Variants in OTUD7A observed in about 807,000 individuals in gnomAD.
OTUD7A encodes OTU domain-containing protein 7A.
Under a neutral mutation model 65.7 loss-of-function variants are expected in OTUD7A, and 12 were observed. The observed-to-expected ratio is 0.18, with a 90% CI of 0.12 to 0.30. The LOEUF (loss-of-function observed/expected upper bound fraction) is 0.30. Ranked by LOEUF, OTUD7A falls within the 10% of genes least tolerant of loss-of-function variation. The pLI is 1.00. For synonymous variants in OTUD7A, 641 were observed against 586.3 expected, an observed-to-expected ratio of 1.09 and a Z score of -1.35; for missense variants, 1,148 against 1,304.8, an observed-to-expected ratio of 0.88 and a Z score of 1.85.
At chr15:31,758,408 A>G (rs1007464309) in intron 1 of OTUD7A, among the ~76,000 whole-genome samples, 1 of 152,128 alleles carries the variant, frequency 6.6e-6, no homozygotes, top group Non-Finnish European at 1.5e-5. Context: ...TCTTTCTCCA[A>G]TCTGGGCCTT....
At chr15:31,551,795 C>G (rs1888332134) in intron 5 of OTUD7A, among the ~76,000 whole-genome samples, 1 of 152,050 alleles carries the variant, frequency 6.6e-6, no homozygotes, top group Admixed American at 6.5e-5. Flanking sequence ...CTGGGCATCA[C>G]TGTGCTTTGC....
intron 3 of OTUD7A, among the ~76,000 whole-genome samples, chr15:31,635,995 C>A (rs1857383526): frequency 1.3e-5 from 2 of 152,236 alleles, no homozygotes. Flanking sequence ...ACGCCAGGTG[C>A]TGTCTGCATC....
intron 1 of OTUD7A, among the ~76,000 whole-genome samples, chr15:31,790,125 G>A (rs956950116): frequency 6.6e-6 from 1 of 152,202 alleles, no homozygotes; most frequent in Non-Finnish European, 1.5e-5. Context: ...TCACATTGAC[G>A]GGAGTACATC....
chr15:31,663,898 C>T (rs1892244658), intron 1 of OTUD7A, among the ~76,000 whole-genome samples: 1 of 152,068 alleles, frequency 6.6e-6, no homozygotes, highest in African/African-American at 2.4e-5. Flanking sequence ...AGCTTAGCTC[C>T]CACATATCAG....
chr15:31,707,918 CTATGGT>C (rs1426893874), intron 1 of OTUD7A, among the ~76,000 whole-genome samples: 3 of 151,978 alleles, frequency 2.0e-5, no homozygotes, highest in South Asian at 4.1e-4. Flanking sequence ...GTATGAATTC[CTATGGT>C]AAAACATAAA....
intron 8 of OTUD7A, among the ~76,000 whole-genome samples, chr15:31,517,573 A>G (rs1428466782): frequency 6.6e-6 from 1 of 152,214 alleles, no homozygotes; most frequent in African/African-American, 2.4e-5. Flanking sequence ...TTCATCCTCC[A>G]AGATGTGCAT....
At chr15:31,780,566 A>G (rs1895511171) in intron 1 of OTUD7A, among the ~76,000 whole-genome samples, 2 of 152,206 alleles carry the variant, frequency 1.3e-5, no homozygotes, top group Admixed American at 6.5e-5. Flanking sequence ...TCTTGAAGAC[A>G]CCACCACCTG....
Position 31,483,856 on chromosome 15 carries a change from C to CCCG in OTUD7A, c.2237_2239dup (p.Ala746dup), listed in dbSNP as rs1406492751. 42 of 984,086 alleles carry CCCG rather than the reference C, an allele frequency of 4.3e-5. No individual in the cohort carries two copies. In the African/African-American group the frequency reaches 6.6e-4, roughly 15 times the overall value. 61.0% of individuals were successfully genotyped at this position (984,086 alleles called of 1,614,324 possible). On this transcript the variant is annotated inframe_insertion, in exon 13 of 13. Transcript: ENST00000307050. ...GCCTCCCCCCGGGGAGGCCGTGCCG[C>CCCG]CCGCCGCCGCCCGCGCCGCACGCCC...
At chr15:31,620,867 G>T (rs7182604) in intron 3 of OTUD7A, among the ~76,000 whole-genome samples, 2 of 105,894 alleles carry the variant, frequency 1.9e-5, no homozygotes, top group Admixed American at 1.8e-4. Context: ...TTAGGGTGTC[G>T]ATTTTGGATC....
Position 31,807,034 on chromosome 15 carries a change from A to C in OTUD7A, c.-100+63473T>G, listed in dbSNP as rs1395407831. Reference sequence around the variant, plus strand: ...CCACTCTACCACTCTTCCCTCTCCCATCTGGAGATGTTGTAAGCCTCTGGG... The same window carrying C: ...CCACTCTACCACTCTTCCCTCTCCCCTCTGGAGATGTTGTAAGCCTCTGGG... On this transcript the variant is annotated intron_variant, in intron 1 of 12. Transcript: ENST00000307050. 3.9e-5 allele frequency among the ~76,000 whole-genome samples: 6 copies of C among 152,274 alleles called. No individual in the cohort carries two copies. In the East Asian group the frequency reaches 1.2e-3, roughly 29 times the overall value.
chr15:31,726,877 G>T (rs906229042), intron 1 of OTUD7A, among the ~76,000 whole-genome samples: 1 of 152,208 alleles, frequency 6.6e-6, no homozygotes, highest in Non-Finnish European at 1.5e-5. Context: ...TTGAATTAGC[G>T]ATGGAAAACA....
intron 3 of OTUD7A, among the ~76,000 whole-genome samples, chr15:31,571,190 AT>A (rs1011093389): frequency 1.3e-5 from 2 of 152,176 alleles, no homozygotes; most frequent in Non-Finnish European, 2.9e-5. Flanking sequence ...ACATACAACT[AT>A]TATGTATCCA....
In OTUD7A at chr15:31,484,743, C is replaced by A; in HGVS notation, c.1372-19G>T. 1 of 1,587,064 alleles carries A rather than the reference C, an allele frequency of 6.3e-7. No homozygotes were observed. The highest frequency in any genetic ancestry group is 1.1e-5 in the South Asian group (1 of 88,756). On this transcript the variant is annotated intron_variant, in intron 12 of 12. Transcript: ENST00000307050. This position sits in a 1 kb window ranked among gnomAD's most constrained non-coding sequence, Gnocchi z 4.5. ...GGGGCGCCTGTGTGGAGAGGGAGGGCCGGATCGAAGGTGGTTAGAGAAGAG... is the reference window on the plus strand; with the variant it reads ...GGGGCGCCTGTGTGGAGAGGGAGGGACGGATCGAAGGTGGTTAGAGAAGAG...
At chr15:31,511,922 C>T (rs990479926) in intron 8 of OTUD7A, among the ~76,000 whole-genome samples, 3 of 152,038 alleles carry the variant, frequency 2.0e-5, no homozygotes, top group African/African-American at 7.2e-5. Context: ...TTTCTCACCT[C>T]TTTTTGAGGT....
intron 4 of OTUD7A, among the ~76,000 whole-genome samples, chr15:31,566,635 G>C (rs560279363): frequency 2.6e-5 from 4 of 152,120 alleles, no homozygotes; most frequent in Non-Finnish European, 5.9e-5. Flanking sequence ...AATCTTGGAG[G>C]GGGGGTCTGG....
chr15:31,587,564 C>T (rs1370619535), intron 3 of OTUD7A, among the ~76,000 whole-genome samples: 2 of 151,938 alleles, frequency 1.3e-5, no homozygotes, highest in Non-Finnish European at 1.5e-5. Context: ...TTGCTTGAAC[C>T]CAGGGGGAGA....
chr15:31,744,708 A>G (rs1034611827), intron 1 of OTUD7A, among the ~76,000 whole-genome samples: 1 of 152,130 alleles, frequency 6.6e-6, no homozygotes, highest in Non-Finnish European at 1.5e-5. Context: ...TAAAGTAGAA[A>G]AGAGGGATAA....
At chr15:31,637,128 T>C (rs1891366886) in intron 3 of OTUD7A, among the ~76,000 whole-genome samples, 2 of 152,202 alleles carry the variant, frequency 1.3e-5, no homozygotes, top group African/African-American at 4.8e-5. Flanking sequence ...CAGCCCTCTA[T>C]TGGAAGAAGA....
At chr15:31,773,326 T>C (rs191410024) in intron 1 of OTUD7A, among the ~76,000 whole-genome samples, 214 of 152,360 alleles carry the variant, frequency 1.4e-3, no homozygotes, top group African/African-American at 4.9e-3. Context: ...ATGTAGCTTA[T>C]CGACAATTTC....
Sources: gnomAD v4.1 joint callset for allele counts (sites outside exome capture counted in the v4.1 genomes callset) on GRCh38, gnomAD v4.1.1 for gene constraint, Gnocchi (gnomAD v3.1) non-coding constraint, MANE v1.5 for transcripts, NCBI Gene and HGNC (gene_info 2026-07-23, HGNC 2026-07-21) for gene names.